Variants in RPL10 observed in about 807,000 individuals in gnomAD.
The protein encoded by RPL10 is large ribosomal subunit protein uL16.
A neutral mutation model predicts 15.7 loss-of-function variants in RPL10; 1 was observed. The observed-to-expected ratio is 0.06, with a 90% CI of 0.02 to 0.30. RPL10 has a LOEUF of 0.30. Among genes scored for constraint, RPL10 ranks in the 10% least tolerant of loss-of-function variants. The pLI is 1.00. For synonymous variants in RPL10, 59 were observed against 64.0 expected, an observed-to-expected ratio of 0.92 and a Z score of 0.37; for missense variants, 54 against 183.4, an observed-to-expected ratio of 0.29 and a Z score of 4.08.
rs12860642 is a variant in RPL10, at chrX:154,398,418, C to T, written c.-24+24C>T. On this transcript the variant is annotated intron_variant, in intron 1 of 6. Coordinates refer to ENST00000369817, the MANE Select transcript of RPL10 (RefSeq NM_006013.5). ...TGGTGAGTAAGCGCAGTTGTCGTCT[C>T]TTGCGGTGCCGTTGCTGGTTCTCAC... 14 of 1,047,445 alleles carry T rather than the reference C, an allele frequency of 1.3e-5. No individual in the cohort carries two copies. In the Admixed American group the frequency reaches 1.5e-4, roughly 11 times the overall value. The allele number at this position is 1,047,445 out of a possible 1,213,427, so 86.3% of individuals were successfully genotyped here. A position where few individuals can be genotyped will look rare whatever the true frequency, so the allele number is the denominator to read the frequency against.
At chrX:154,400,005 T>C in intron 5 of RPL10, 64 bp downstream of exon 5, 1 of 1,171,825 alleles carries the variant, frequency 8.5e-7, no homozygotes. Flanking sequence ...TGCATTATTT[T>C]ATCAGAGCAT....
chrX:154,400,079 C>T (rs1479943650), intron 5 of RPL10, 138 bp downstream of exon 5: 2 of 765,088 alleles, frequency 2.6e-6, no homozygotes, highest in African/African-American at 4.1e-5. Flanking sequence ...AAGTGACTTT[C>T]AGTGGTCACT....
In RPL10 at chrX:154,401,162, A is replaced by C; in HGVS notation, c.*308A>C. 2.4e-6 allele frequency: 1 copy of C among 415,285 alleles called. No individual in the cohort carries two copies. The highest frequency in any genetic ancestry group is 3.9e-6 in the Non-Finnish European group (1 of 258,761). 34.2% of individuals were successfully genotyped at this position (415,285 alleles called of 1,213,427 possible). On this transcript the variant is annotated 3_prime_UTR_variant, in exon 7 of 7. Coordinates refer to ENST00000369817, the MANE Select transcript of RPL10 (RefSeq NM_006013.5). ...CTTTTCATGAAGCACAGCTGCAGCA[A>C]AGCCTTGCAATCCCAGGCTGGGGTC...
At chrX:154,400,676 A>G in intron 6 of RPL10, 26 bp from the exon 7 acceptor site, 1 of 1,210,908 alleles carries the variant, frequency 8.3e-7, no homozygotes, top group Non-Finnish European at 1.1e-6. Flanking sequence ...AGGCCTCCTG[A>G]CTCAGTTCTT....
rs1344130269 is a variant in RPL10 at position 154,402,101 on chromosome X, T to C, written c.*1247T>C. ...GGACTTTACCAGGCATGCAGAAGCC[T>C]GTACCAACACAGACTACAGCACCCA... On this transcript the variant is annotated 3_prime_UTR_variant, in exon 7 of 7. Coordinates refer to ENST00000369817, the MANE Select transcript of RPL10 (RefSeq NM_006013.5). 2.6e-5 allele frequency: 3 copies of C among 113,463 alleles called. No homozygotes were observed. The highest frequency in any genetic ancestry group is 9.7e-5 in the African/African-American group (3 of 30,993). 9.4% of individuals were successfully genotyped at this position (113,463 alleles called of 1,213,427 possible).
intron 2 of RPL10, 53 bp downstream of exon 2, chrX:154,398,595 G>A: frequency 8.4e-7 from 1 of 1,195,169 alleles, no homozygotes; most frequent in South Asian, 1.8e-5. Flanking sequence ...GGGGAAAGAA[G>A]TGCCTATGGC....
chrX:154,400,151 A>C (rs944332102), intron 5 of RPL10: 38 of 545,220 alleles, frequency 7.0e-5, no homozygotes, highest in Non-Finnish European at 7.7e-5. Context: ...TCTTCCCCAC[A>C]GGTTAGGGGA....
rs782459394 is a variant in RPL10 at position 154,398,407 on chromosome X, A to G, written c.-24+13A>G. The G allele has an allele frequency of 2.2e-5, 21 of 944,118 alleles. No individual in the cohort carries two copies. In the South Asian group the frequency reaches 2.3e-4, roughly 10 times the overall value. 77.8% of individuals were successfully genotyped at this position (944,118 alleles called of 1,213,427 possible). Reference sequence around the variant, plus strand: ...TCCCTTCGGTGTGGTGAGTAAGCGCAGTTGTCGTCTCTTGCGGTGCCGTTG... The same window carrying G: ...TCCCTTCGGTGTGGTGAGTAAGCGCGGTTGTCGTCTCTTGCGGTGCCGTTG... On this transcript the variant is annotated intron_variant, in intron 1 of 6. Transcript: ENST00000369817.
rs116785113 is a variant in RPL10 at position 154,399,645 on chromosome X, C to A, written c.190+51C>A. ...CCCCCCAGTCCTTCCTCCGTGCTCCCTCAACCCCACCCACATACACTGCAC... is the reference window on the plus strand; with the variant it reads ...CCCCCCAGTCCTTCCTCCGTGCTCCATCAACCCCACCCACATACACTGCAC... On this transcript the variant is annotated intron_variant, in intron 4 of 6. Transcript: ENST00000369817. 17,693 of 1,164,731 alleles carry A rather than the reference C, an allele frequency of 0.015. 1,697 individuals are homozygous for A. The African/African-American group carries it at 0.27, about 18-fold the overall frequency.
chrX:154,398,858 G>A (rs1396916550), intron 2 of RPL10: 16 of 387,661 alleles, frequency 4.1e-5, no homozygotes, highest in Non-Finnish European at 5.1e-5. Context: ...CGGGCGACGT[G>A]CCGCGTGCGT....
At chrX:154,398,425 T>A (rs781991979) in intron 1 of RPL10, 31 bp downstream of exon 1, 11 of 1,071,170 alleles carry the variant, frequency 1.0e-5, no homozygotes, top group Admixed American at 2.2e-5. Context: ...TCTCTTGCGG[T>A]GCCGTTGCTG....
chrX:154,398,850 G>A (rs2067964539), intron 2 of RPL10: 1 of 393,577 alleles, frequency 2.5e-6, no homozygotes, highest in African/African-American at 2.6e-5. Flanking sequence ...CTTATTTCCG[G>A]GCGACGTGCC....
rs12877 is a variant in RPL10, at chrX:154,401,914, C to G, written c.*1060C>G. ...CCAGCCAGTGTTTTTCCTGACCTCT[C>G]TTCTTTGGAGAGGAGGATGGAAGGG... On this transcript the variant is annotated 3_prime_UTR_variant, in exon 7 of 7. Transcript: ENST00000369817. The G allele has an allele frequency of 0.3, 33,902 of 111,203 alleles. 7,242 individuals are homozygous for G. The highest frequency in any genetic ancestry group is 0.77 in the African/African-American group (23,436 of 30,381). The allele number at this position is 111,203 out of a possible 1,213,427, so 9.2% of individuals were successfully genotyped here.
upstream of RPL10, chrX:154,398,168 A>C (rs1037801996): frequency 2.4e-6 from 1 of 416,146 alleles, no homozygotes; most frequent in Non-Finnish European, 4.4e-6. Flanking sequence ...GCGAAGCCCC[A>C]TTCGTCAGCT....
chrX:154,399,460 C>G (rs961521195), intron 3 of RPL10, 27 bp from the exon 4 acceptor site: 1 of 1,207,861 alleles, frequency 8.3e-7, no homozygotes. Flanking sequence ...CTGTGACACC[C>G]CCTGCACACT....
chrX:154,400,816 C>T lies in RPL10; in HGVS notation c.607C>T (p.Arg203Cys), dbSNP rs781902027. Residue 203 changes from arginine to cysteine, a missense_variant, in exon 7 of 7, where the codon CGT (arginine) becomes TGT (cysteine). Around this residue, in one of 3 missense-constraint regions of RPL10, gnomAD observed 32 missense variants for 76.0 expected, o/e 0.42. Coordinates refer to ENST00000369817, the MANE Select transcript of RPL10 (RefSeq NM_006013.5). ...CTGTGGGGTCAAGTACATCCCCAGTCGTGGCCCTCTGGACAAGTGGCGGGC... is the reference window on the plus strand; with the variant it reads ...CTGTGGGGTCAAGTACATCCCCAGTTGTGGCCCTCTGGACAAGTGGCGGGC... ...DGCGVKYIPS[R>C]GPLDKWRALH... is the part of the protein sequence containing the mutation. The T allele has an allele frequency of 1.7e-6, 2 of 1,211,779 alleles. No homozygotes were observed. Among genetic ancestry groups the T allele is most frequent in the Admixed American group, 2.2e-5 (1 of 46,070 alleles).
chrX:154,398,301 G>A (rs782204308), upstream of RPL10: 3 of 552,270 alleles, frequency 5.4e-6, no homozygotes, highest in South Asian at 2.3e-5. Context: ...GCGTCCACCC[G>A]TCTTCGACAG....
At chrX:154,399,669 A>T in intron 4 of RPL10, 75 bp downstream of exon 4, 4 of 1,153,580 alleles carry the variant, frequency 3.5e-6, no homozygotes, top group Non-Finnish European at 4.7e-6. Context: ...CATACACTGC[A>T]CTGGAATTGG....
chrX:154,398,982 C>G (rs782647864), intron 2 of RPL10: 1 of 366,339 alleles, frequency 2.7e-6, no homozygotes, highest in South Asian at 3.7e-5. Flanking sequence ...GCCACGTGCC[C>G]GAAAGTCTTA....
Sources: allele counts gnomAD v4.1 joint callset, GRCh38; gene constraint gnomAD v4.1.1; regional missense constraint gnomAD v4.1.1; transcripts MANE v1.5; gene names NCBI Gene and HGNC (gene_info 2026-07-23, HGNC 2026-07-21).